The following MED27 variants were observed in gnomAD, a reference collection of about 807,000 sequenced individuals.
The protein encoded by MED27 is mediator complex subunit 27.
MED27 carries 30 observed loss-of-function variants against 38.2 expected under a neutral mutation model. The ratio of observed to expected loss-of-function variants is 0.79; its 90% CI spans 0.59 to 1.07. MED27 has a LOEUF of 1.07. Ranked by LOEUF, MED27 falls within the 50% of genes least tolerant of loss-of-function variation. The probability of loss-of-function intolerance (pLI) is 0.00; values close to 1 mark genes in which losing one functional copy is unlikely to be tolerated. For missense variants in MED27, 289 were observed against 397.5 expected (o/e 0.73, Z 2.32); for synonymous variants, 122 against 153.5 (o/e 0.79, Z 1.52).
At chr9:131,983,464 C>T (rs1477466724) in intron 3 of MED27, among the ~76,000 whole-genome samples, 3 of 152,120 alleles carry the variant, frequency 2.0e-5, no homozygotes, top group Admixed American at 6.5e-5. Flanking sequence ...AGCAGTAGCC[C>T]CTATTTCAAA....
At chr9:131,898,680 G>A (rs1418803131) in intron 4 of MED27, among the ~76,000 whole-genome samples, 1 of 151,558 alleles carries the variant, frequency 6.6e-6, no homozygotes, top group Non-Finnish European at 1.5e-5. Context: ...TCCCTTCAAA[G>A]TTCAAGCGAT....
chr9:132,019,817 C>A (rs556937874), intron 2 of MED27, among the ~76,000 whole-genome samples: 17 of 152,326 alleles, frequency 1.1e-4, no homozygotes, highest in African/African-American at 4.1e-4. Flanking sequence ...AGCGATCCCC[C>A]CTGGATGAGA....
At chr9:131,989,530 A>T (rs1441586829) in intron 3 of MED27, among the ~76,000 whole-genome samples, 1 of 152,190 alleles carries the variant, frequency 6.6e-6, no homozygotes, top group Non-Finnish European at 1.5e-5. Context: ...AACCATTTTT[A>T]AAAATTGTTT....
rs1832568280 is a variant in MED27 at position 132,014,854 on chromosome 9, AT to A, written c.349-388del. 7.2e-5 allele frequency among the ~76,000 whole-genome samples: 11 copies of A among 152,282 alleles called. 1 individual carries two copies. In the South Asian group the frequency reaches 2.3e-3, roughly 32 times the overall value. ...AAATGTTCTCTAAAATGCTAACTGT[AT>A]TTTTCAGTAGTAGAATTCGAGTGAT... On this transcript the variant is annotated intron_variant, in intron 2 of 7. Coordinates refer to ENST00000292035, the MANE Select transcript of MED27 (RefSeq NM_004269.4).
intron 3 of MED27, among the ~76,000 whole-genome samples, chr9:131,953,905 C>T (rs1468878913): frequency 1.3e-5 from 2 of 151,470 alleles, no homozygotes; most frequent in African/African-American, 4.9e-5. Context: ...GCAACCTCTG[C>T]CTCCCGGGTT....
At chr9:131,985,185 T>C (rs977365939) in intron 3 of MED27, among the ~76,000 whole-genome samples, 5 of 152,218 alleles carry the variant, frequency 3.3e-5, no homozygotes, top group African/African-American at 1.2e-4. Flanking sequence ...CTTTGCCTTT[T>C]GCTTTGCGGA....
At chr9:131,912,416 C>T (rs1259658072) in intron 4 of MED27, among the ~76,000 whole-genome samples, 3 of 152,188 alleles carry the variant, frequency 2.0e-5, no homozygotes, top group Non-Finnish European at 2.9e-5. Context: ...AAAAATAACT[C>T]GCTATTCAAC....
At chr9:131,907,639 C>A (rs1412055526) in intron 4 of MED27, among the ~76,000 whole-genome samples, 1 of 151,916 alleles carries the variant, frequency 6.6e-6, no homozygotes, top group African/African-American at 2.4e-5. Flanking sequence ...CCGGCCGCCA[C>A]CCCGTCTGGG....
rs375612243 is a variant in MED27, at chr9:132,016,841, T to TCAAA, written c.349-2378_349-2375dup. On this transcript the variant is annotated intron_variant, in intron 2 of 7. Coordinates refer to ENST00000292035, the MANE Select transcript of MED27 (RefSeq NM_004269.4). ...ACCCGGCATCATTTTGATCATTTGC[T>TCAAA]CAAACAAACAAACAAACAAAAACCC... Among the ~76,000 whole-genome samples, 58 of 152,238 alleles carry TCAAA rather than the reference T, an allele frequency of 3.8e-4. 1 individual carries two copies. The highest frequency in any genetic ancestry group is 3.9e-4 in the East Asian group (2 of 5,180).
chr9:131,932,908 A>T (rs1830615524), intron 4 of MED27, among the ~76,000 whole-genome samples: 1 of 152,184 alleles, frequency 6.6e-6, no homozygotes. Context: ...CATTAAAAAG[A>T]TCATTCATCA....
At chr9:131,894,450 C>A (rs1829792989) in intron 4 of MED27, among the ~76,000 whole-genome samples, 1 of 152,054 alleles carries the variant, frequency 6.6e-6, no homozygotes, top group African/African-American at 2.4e-5. Context: ...GTACCAAATG[C>A]CTCTTGGTTG....
intron 2 of MED27, among the ~76,000 whole-genome samples, chr9:132,076,215 G>C (rs1335615001): frequency 6.6e-6 from 1 of 152,022 alleles, no homozygotes; most frequent in Non-Finnish European, 1.5e-5. Context: ...CAGCCACAGA[G>C]AAGTAACTCC....
At chr9:131,940,688 T>C (rs562465074) in intron 3 of MED27, among the ~76,000 whole-genome samples, 6 of 152,356 alleles carry the variant, frequency 3.9e-5, no homozygotes, top group African/African-American at 1.4e-4. Flanking sequence ...AATGCCGGGA[T>C]TACAGGCGTG....
intron 2 of MED27, among the ~76,000 whole-genome samples, chr9:132,056,138 A>G (rs1833571585): frequency 6.6e-6 from 1 of 152,216 alleles, no homozygotes. Flanking sequence ...CATTTCCATC[A>G]AAATAACTAT....
At chr9:131,993,843 C>T (rs1215139322) in intron 3 of MED27, among the ~76,000 whole-genome samples, 1 of 152,176 alleles carries the variant, frequency 6.6e-6, no homozygotes, top group Non-Finnish European at 1.5e-5. Context: ...CTGATTTCCT[C>T]CTACATCCCA....
At chr9:132,009,750 G>A (rs1290252569) in intron 3 of MED27, among the ~76,000 whole-genome samples, 1 of 152,256 alleles carries the variant, frequency 6.6e-6, no homozygotes, top group East Asian at 1.9e-4. Flanking sequence ...GTTCATGGCT[G>A]TTAAAGCACT....
Position 131,861,767 on chromosome 9 carries a change from CTTTTT to C in MED27, c.802-1100_802-1096del, listed in dbSNP as rs66880335. Reference sequence around the variant, plus strand: ...AGTGCTGTGACAGATGTAAATGGTTCTTTTTTTTTTTTTTTTTTTTTATGAGACCA... The same window carrying C: ...AGTGCTGTGACAGATGTAAATGGTTCTTTTTTTTTTTTTTTTATGAGACCA... On this transcript the variant is annotated intron_variant, in intron 7 of 7. Coordinates refer to ENST00000292035, the MANE Select transcript of MED27 (RefSeq NM_004269.4). The surrounding 1 kb of genome is among the most constrained non-coding windows in gnomAD (Gnocchi z 4.4). 1.4e-5 allele frequency among the ~76,000 whole-genome samples: 2 copies of C among 145,170 alleles called. No individual in the cohort carries two copies. Among genetic ancestry groups the C allele is most frequent in the African/African-American group, 5.3e-5 (2 of 38,080 alleles).
chr9:132,001,369 CAAAT>C (rs1486732563), intron 3 of MED27, among the ~76,000 whole-genome samples: 1 of 152,060 alleles, frequency 6.6e-6, no homozygotes, highest in East Asian at 1.9e-4. Context: ...TTTGTAGCCT[CAAAT>C]AAACCTGAAA....
At position 131,898,386 on chromosome 9, in the gene MED27, T is replaced by C. The variant is rs77709552; in HGVS notation, c.574-4394A>G. ...TCACCACACCCAGCTAATTTTTGTATTTTTGTTTAGTAGAGACAGGGTTTC... is the reference window on the plus strand; with the variant it reads ...TCACCACACCCAGCTAATTTTTGTACTTTTGTTTAGTAGAGACAGGGTTTC... On this transcript the variant is annotated intron_variant, in intron 4 of 7. Coordinates refer to ENST00000292035, the MANE Select transcript of MED27 (RefSeq NM_004269.4). Among the ~76,000 whole-genome samples the C allele has an allele frequency of 3.2e-3, 481 of 152,174 alleles. 7 individuals are homozygous for C. The highest frequency in any genetic ancestry group is 0.011 in the African/African-American group (458 of 41,520).
Sources: gnomAD v4.1 joint callset for allele counts (sites outside exome capture counted in the v4.1 genomes callset) on GRCh38, gnomAD v4.1.1 for gene constraint, Gnocchi (gnomAD v3.1) non-coding constraint, MANE v1.5 for transcripts, NCBI Gene and HGNC (gene_info 2026-07-23, HGNC 2026-07-21) for gene names.